FBXW11: variants seen among roughly 807,000 people sequenced by gnomAD.
FBXW11 encodes F-box/WD repeat-containing protein 11.
In FBXW11, 19 loss-of-function variants were observed where a neutral mutation model predicts 77.6. That is an observed-to-expected ratio of 0.24 (90% confidence interval 0.17 to 0.36). The LOEUF (loss-of-function observed/expected upper bound fraction) is 0.36. Among genes scored for constraint, FBXW11 ranks in the 10% least tolerant of loss-of-function variants. The pLI is 1.00. For synonymous variants in FBXW11, 235 were observed against 249.4 expected, an observed-to-expected ratio of 0.94 and a Z score of 0.54; for missense variants, 334 against 704.2, an observed-to-expected ratio of 0.47 and a Z score of 5.95.
chr5:171,952,016 AAG>A (rs1763345957), intron 2 of FBXW11, among the ~76,000 whole-genome samples: 1 of 152,118 alleles, frequency 6.6e-6, no homozygotes, highest in African/African-American at 2.4e-5. Flanking sequence ...AAATCTTCCT[AAG>A]AGCCCCATTA....
Position 171,869,641 on chromosome 5 carries a change from C to A in FBXW11, c.1530+88G>T. The stretch of plus-strand genomic sequence containing the variant: ...GAAGGCATCTTGTGAGACACACAAG[C>A]GTTCCTGTGATACACCTAGACAGGA... On this transcript the variant is annotated intron_variant, in intron 12 of 13. Coordinates refer to ENST00000517395, the MANE Select transcript of FBXW11 (RefSeq NM_001378974.1). This position sits in a 1 kb window ranked among gnomAD's most constrained non-coding sequence, Gnocchi z 4.1. The A allele has an allele frequency of 1.1e-6, 1 of 919,070 alleles. No homozygotes were observed. The allele number at this position is 919,070 out of a possible 1,614,324, so 56.9% of individuals were successfully genotyped here. A position where few individuals can be genotyped will look rare whatever the true frequency, so the allele number is the denominator to read the frequency against.
chr5:171,913,867 A>ACACG (rs1761059731), intron 3 of FBXW11, among the ~76,000 whole-genome samples: 2 of 150,708 alleles, frequency 1.3e-5, no homozygotes, highest in African/African-American at 4.9e-5. Context: ...ACACACACAC[A>ACACG]CACACACAAC....
At chr5:171,901,869 C>A (rs1489957109) in intron 4 of FBXW11, among the ~76,000 whole-genome samples, 1 of 152,156 alleles carries the variant, frequency 6.6e-6, no homozygotes, top group Non-Finnish European at 1.5e-5. Flanking sequence ...TGATTTTTGT[C>A]ACACCCAGAA....
intron 1 of FBXW11, among the ~76,000 whole-genome samples, chr5:171,989,580 G>C (rs1765624518): frequency 6.6e-6 from 1 of 152,210 alleles, no homozygotes; most frequent in Non-Finnish European, 1.5e-5. Context: ...AATAATGAAT[G>C]CACAAGGTTA....
chr5:172,000,024 T>A (rs1383828193), intron 1 of FBXW11, among the ~76,000 whole-genome samples: 3 of 152,204 alleles, frequency 2.0e-5, no homozygotes, highest in Non-Finnish European at 2.9e-5. Flanking sequence ...GATTGTCAGG[T>A]CTTCCTGGTC....
At chr5:171,894,395 T>G (rs140448376) in intron 6 of FBXW11, among the ~76,000 whole-genome samples, 121 of 152,364 alleles carry the variant, frequency 7.9e-4, no homozygotes, top group Non-Finnish European at 1.4e-3. Flanking sequence ...AAATAGTTTG[T>G]CAACCAATTC....
intron 2 of FBXW11, among the ~76,000 whole-genome samples, chr5:171,946,424 T>C (rs1278850367): frequency 1.3e-5 from 2 of 152,180 alleles, no homozygotes; most frequent in Admixed American, 6.5e-5. Context: ...TCCCATCTCA[T>C]GCAGAATAAA....
chr5:171,905,832 T>C (rs939947299), intron 4 of FBXW11, among the ~76,000 whole-genome samples: 5 of 152,166 alleles, frequency 3.3e-5, no homozygotes, highest in Non-Finnish European at 7.3e-5. Context: ...GAAGTACCTA[T>C]GTCTGGCTCT....
At chr5:171,984,761 G>A (rs1037758093) in intron 1 of FBXW11, among the ~76,000 whole-genome samples, 5 of 151,936 alleles carry the variant, frequency 3.3e-5, no homozygotes, top group Admixed American at 6.6e-5. Flanking sequence ...ATAATTATAA[G>A]GAAAATTATA....
At chr5:171,966,796 A>G (rs1390600082) in intron 1 of FBXW11, among the ~76,000 whole-genome samples, 1 of 152,256 alleles carries the variant, frequency 6.6e-6, no homozygotes, top group African/African-American at 2.4e-5. Flanking sequence ...TTCAATAAAA[A>G]TGTTAAATGA....
intron 1 of FBXW11, among the ~76,000 whole-genome samples, chr5:171,975,714 A>C (rs1431137168): frequency 6.6e-6 from 1 of 152,132 alleles, no homozygotes; most frequent in Non-Finnish European, 1.5e-5. Context: ...AGGGGGTGTA[A>C]ATCTGGCAAA....
At chr5:171,951,960 T>C (rs917978468) in intron 2 of FBXW11, among the ~76,000 whole-genome samples, 2 of 152,194 alleles carry the variant, frequency 1.3e-5, no homozygotes, top group African/African-American at 2.4e-5. Flanking sequence ...AATTCTCTTA[T>C]TTTTGTGTGT....
At chr5:171,865,467 A>T (rs983637389) in intron 13 of FBXW11, among the ~76,000 whole-genome samples, 2 of 152,226 alleles carry the variant, frequency 1.3e-5, no homozygotes, top group Admixed American at 1.3e-4. Flanking sequence ...ACAACAGAGC[A>T]TATCCAAACA....
rs1380991872 is a variant in FBXW11 at position 171,876,541 on chromosome 5, G to T, written c.972-7C>A. 1.2e-6 allele frequency: 2 copies of T among 1,611,234 alleles called. No individual in the cohort carries two copies. The highest frequency in any genetic ancestry group is 1.1e-5 in the South Asian group (1 of 91,042). On this transcript the variant is annotated splice_polypyrimidine_tract_variant and splice_region_variant and intron_variant, in intron 8 of 13. Transcript: ENST00000517395. The surrounding 1 kb of genome is among the most constrained non-coding windows in gnomAD (Gnocchi z 4.2). Reference sequence around the variant, plus strand: ...CGTGTTCACATCCCACACTCTAGGAGAGAAGAGAAAAGCATGATGCTTAAT... The same window carrying T: ...CGTGTTCACATCCCACACTCTAGGATAGAAGAGAAAAGCATGATGCTTAAT...
chr5:171,983,061 T>C (rs1256457135), intron 1 of FBXW11, among the ~76,000 whole-genome samples: 1 of 151,894 alleles, frequency 6.6e-6, no homozygotes, highest in South Asian at 2.1e-4. Context: ...ATTAACCGAG[T>C]GCACACCTGT....
At chr5:171,903,567 G>A (rs192494034) in intron 4 of FBXW11, among the ~76,000 whole-genome samples, 108 of 152,232 alleles carry the variant, frequency 7.1e-4, no homozygotes, top group African/African-American at 2.2e-3. Context: ...GTCTCTAGCC[G>A]TGGACTAACA....
At chr5:171,873,378 A>G (rs749602180) in intron 9 of FBXW11, among the ~76,000 whole-genome samples, 30 of 152,192 alleles carry the variant, frequency 2.0e-4, no homozygotes, top group Non-Finnish European at 3.1e-4. Flanking sequence ...TGGGTACGGT[A>G]GCTCACACCT....
At chr5:171,901,835 C>T (rs1432434190) in intron 4 of FBXW11, among the ~76,000 whole-genome samples, 1 of 152,130 alleles carries the variant, frequency 6.6e-6, no homozygotes, top group East Asian at 1.9e-4. Context: ...TTGTCTGACC[C>T]ATCCATTTCA....
intron 2 of FBXW11, among the ~76,000 whole-genome samples, chr5:171,926,598 A>C (rs1761904534): frequency 6.6e-6 from 1 of 152,208 alleles, no homozygotes; most frequent in South Asian, 2.1e-4. Flanking sequence ...TGCTCCGGCC[A>C]CACGAAGTGC....
Sources: allele counts gnomAD v4.1 joint callset (sites outside exome capture counted in the v4.1 genomes callset), GRCh38; gene constraint gnomAD v4.1.1; non-coding constraint Gnocchi (gnomAD v3.1); transcripts MANE v1.5; gene names NCBI Gene and HGNC (gene_info 2026-07-23, HGNC 2026-07-21).